Variants in CCNH observed in about 807,000 individuals in gnomAD.
CCNH encodes the protein cyclin H.
Under a neutral mutation model 41.9 loss-of-function variants are expected in CCNH, and 31 were observed. That is an observed-to-expected ratio of 0.74 (90% CI 0.56 to 1.00). The LOEUF (loss-of-function observed/expected upper bound fraction) is 1.00. Ranked by LOEUF, CCNH falls within the 50% of genes least tolerant of loss-of-function variation. The pLI is 0.00. For synonymous variants in CCNH, 138 were observed against 136.1 expected (o/e 1.01, Z -0.10); for missense variants, 362 against 388.4 (o/e 0.93, Z 0.57).
chr5:87,397,413 G>C (rs559401473), intron 7 of CCNH, among the ~76,000 whole-genome samples: 87 of 152,232 alleles, frequency 5.7e-4, no homozygotes, highest in African/African-American at 2.1e-3. Flanking sequence ...GCCCGCCTTA[G>C]CCTCCCAAAC....
downstream of CCNH, chr5:87,389,413 C>T (rs1762309937): frequency 6.2e-7 from 1 of 1,613,966 alleles, no homozygotes; most frequent in Admixed American, 1.7e-5. Flanking sequence ...AACTTCCGGA[C>T]ACTACAGAGC....
intron 9 of CCNH, among the ~76,000 whole-genome samples, chr5:87,342,382 C>T (rs1758537115): frequency 6.6e-6 from 1 of 152,142 alleles, no homozygotes; most frequent in Non-Finnish European, 1.5e-5. Context: ...TTGTCTTGAA[C>T]TCCTGACCTC....
rs1412620316 is a variant in CCNH at position 87,408,026 on chromosome 5, T to C, written c.475A>G (p.Ile159Val). 5 of 1,613,686 alleles carry C rather than the reference T, an allele frequency of 3.1e-6. No individual in the cohort carries two copies. The South Asian group carries it at 3.3e-5, about 11-fold the overall frequency. Residue 159 changes from isoleucine (I) to valine (V), a missense_variant, in exon 4 of 9, where the codon ATT becomes GTT. Transcript: ENST00000256897. ...LLIQQLNFHL[I>V]VHNPYRPFEG... ...AATGGTCTGTAAGGATTGTGGACAATAAGGTGGAAATTAAGTTGCTGTATA... is the reference window on the plus strand; with the variant it reads ...AATGGTCTGTAAGGATTGTGGACAACAAGGTGGAAATTAAGTTGCTGTATA...
At chr5:87,335,988 C>G (rs1203052923) in intron 9 of CCNH, among the ~76,000 whole-genome samples, 1 of 152,098 alleles carries the variant, frequency 6.6e-6, no homozygotes, top group Non-Finnish European at 1.5e-5. Flanking sequence ...CATAGAATAT[C>G]TATAATTATC....
At chr5:87,344,449 C>G (rs1018538456) in intron 9 of CCNH, among the ~76,000 whole-genome samples, 1 of 152,130 alleles carries the variant, frequency 6.6e-6, no homozygotes, top group African/African-American at 2.4e-5. Flanking sequence ...GTTTACTACT[C>G]CTAGCACTTA....
At chr5:87,329,762 A>G (rs1227447545) in intron 9 of CCNH, among the ~76,000 whole-genome samples, 5 of 152,152 alleles carry the variant, frequency 3.3e-5, no homozygotes, top group African/African-American at 1.2e-4. Context: ...AGTAATGAGG[A>G]ATGCACTAGT....
intron 9 of CCNH, chr5:87,332,364 C>A: frequency 1.3e-6 from 1 of 799,770 alleles, no homozygotes; most frequent in African/African-American, 1.7e-5. Context: ...GATGAAGATA[C>A]TAATAAGTGG....
intron 9 of CCNH, chr5:87,383,581 C>G (rs890836894): frequency 2.6e-5 from 16 of 617,882 alleles, no homozygotes; most frequent in African/African-American, 2.5e-4. Context: ...TCTGGGCTTT[C>G]TTTTATTGGT....
upstream of CCNH, among the ~76,000 whole-genome samples, chr5:87,380,019 T>TA (rs1761598835): frequency 6.6e-6 from 1 of 152,198 alleles, no homozygotes; most frequent in Non-Finnish European, 1.5e-5. Context: ...GCTGTCTTAA[T>TA]AAAACCACCC....
intron 6 of CCNH, 68 bp from the exon 7 acceptor site, chr5:87,399,573 T>C: frequency 1.0e-6 from 1 of 988,226 alleles, no homozygotes; most frequent in Non-Finnish European, 1.6e-6. Flanking sequence ...AGGGAGCTGG[T>C]TACTTTTCCA....
At chr5:87,311,841 G>T in the CCNH span, among the ~76,000 whole-genome samples, 4 of 152,216 alleles carry the variant, frequency 2.6e-5, no homozygotes, top group Non-Finnish European at 5.9e-5. Flanking sequence ...AGCATAATCT[G>T]TATGGTGTGG....
At chr5:87,331,226 A>G (rs775396894) in intron 9 of CCNH, 4 of 1,119,662 alleles carry the variant, frequency 3.6e-6, no homozygotes. Context: ...GGTTCAGAGT[A>G]AAATGTAAAT....
upstream of CCNH, chr5:87,379,697 G>A (rs1300407296): frequency 1.2e-6 from 2 of 1,603,962 alleles, no homozygotes; most frequent in African/African-American, 1.3e-5. Context: ...ATTTGTCATT[G>A]CCAACATGCA....
At chr5:87,390,217 C>T (rs1429469051), downstream of CCNH, among the ~76,000 whole-genome samples, 2 of 152,158 alleles carry the variant, frequency 1.3e-5, no homozygotes, top group African/African-American at 4.8e-5. Flanking sequence ...CTTTGAATGT[C>T]CTCAGCTGAC....
chr5:87,314,244 A>T (rs1756145185), downstream of CCNH, among the ~76,000 whole-genome samples: 3 of 152,230 alleles, frequency 2.0e-5, no homozygotes, highest in South Asian at 6.2e-4. Context: ...AATGACAGGT[A>T]GTCCAGTGGA....
chr5:87,337,625 A>G (rs916739827), intron 9 of CCNH, among the ~76,000 whole-genome samples: 26 of 152,094 alleles, frequency 1.7e-4, no homozygotes, highest in Admixed American at 1.6e-3. Context: ...AAGTTTTTCA[A>G]TTCAGTTTTC....
intron 9 of CCNH, among the ~76,000 whole-genome samples, chr5:87,364,361 T>C (rs1340822699): frequency 6.6e-6 from 1 of 152,170 alleles, no homozygotes; most frequent in Non-Finnish European, 1.5e-5. Flanking sequence ...TTGACAGTTT[T>C]TTAAAATGAT....
downstream of CCNH, chr5:87,372,106 T>TTTTC (rs1347017338): frequency 1.2e-6 from 2 of 1,612,166 alleles, no homozygotes; most frequent in Non-Finnish European, 1.7e-6. Flanking sequence ...GAAGTGCTGT[T>TTTTC]TTTCTTTGCA....
intron 9 of CCNH, among the ~76,000 whole-genome samples, chr5:87,337,682 G>A (rs1413905076): frequency 6.6e-6 from 1 of 151,952 alleles, no homozygotes; most frequent in Non-Finnish European, 1.5e-5. Context: ...ATCAGTTTCT[G>A]TTAACAGAAG....
Sources: allele counts gnomAD v4.1 joint callset (sites outside exome capture counted in the v4.1 genomes callset), GRCh38; gene constraint gnomAD v4.1.1; transcripts MANE v1.5; gene names NCBI Gene and HGNC (gene_info 2026-07-23, HGNC 2026-07-21).